Variants in CA12 observed in about 807,000 individuals in gnomAD.
CA12 encodes the protein carbonate dehydratase XII.
Under a neutral mutation model 46.8 loss-of-function variants are expected in CA12, and 36 were observed. The observed-to-expected ratio is 0.77, with a 90% confidence interval of 0.59 to 1.02. The LOEUF is 1.02. CA12 is among the 50% of genes least tolerant of loss of function. The probability of loss-of-function intolerance (pLI) is 0.00; values close to 1 mark genes in which losing one functional copy is unlikely to be tolerated. For synonymous variants in CA12, 202 were observed against 187.0 expected, an observed-to-expected ratio of 1.08 and a Z score of -0.65; for missense variants, 436 against 451.4, an observed-to-expected ratio of 0.97 and a Z score of 0.31.
At chr15:63,371,462 G>GGCCACA (rs939399177) in intron 2 of CA12, among the ~76,000 whole-genome samples, 1 of 152,132 alleles carries the variant, frequency 6.6e-6, no homozygotes, top group Non-Finnish European at 1.5e-5. Context: ...AAGCATGTGC[G>GGCCACA]GCCACAGCCA....
intron 2 of CA12, 93 bp from the exon 3 acceptor site, chr15:63,346,802 TCTC>T (rs2039156324): frequency 1.4e-6 from 2 of 1,399,418 alleles, no homozygotes; most frequent in African/African-American, 1.4e-5. Flanking sequence ...TTACTCCTTT[TCTC>T]CTCTTTTCTG....
intron 2 of CA12, among the ~76,000 whole-genome samples, chr15:63,353,683 C>G (rs1485457236): frequency 6.6e-6 from 1 of 152,034 alleles, no homozygotes; most frequent in Non-Finnish European, 1.5e-5. Context: ...CATCTGGAAA[C>G]CAGACATCCT....
At position 63,342,065 on chromosome 15, in the gene CA12, A is replaced by G. The variant is rs144876903; in HGVS notation, c.462T>C (p.Tyr154=). 2.6e-5 allele frequency: 42 copies of G among 1,614,046 alleles called. No homozygotes were observed. In the African/African-American group the frequency reaches 4.8e-4, roughly 18 times the overall value. ...LHIVHYNSDL[Y]PDASTASNKS... is the part of the protein sequence containing the mutation. ...TGTTGCTGGCAGTGCTGGCGTCAGG[A>G]TAAAGGTCTGAGTTATAATGGACAA... Residue 154 remains tyrosine, a synonymous_variant, in exon 5 of 11, where the codon TAT becomes TAC. Coordinates refer to ENST00000178638, the MANE Select transcript of CA12 (RefSeq NM_001218.5).
chr15:63,345,199 T>G lies in CA12; in HGVS notation c.429+278A>C, dbSNP rs1453748902. Among the ~76,000 whole-genome samples the G allele has an allele frequency of 9.2e-5, 14 of 152,240 alleles. No individual in the cohort carries two copies. Among genetic ancestry groups the G allele is most frequent in the Admixed American group, 9.2e-4 (14 of 15,282 alleles). On this transcript the variant is annotated intron_variant, in intron 4 of 10. Transcript: ENST00000178638. The surrounding 1 kb of genome is among the most constrained non-coding windows in gnomAD (Gnocchi z 4.3). Reference sequence around the variant, plus strand: ...TAAAAGAAGGGCATGTATGTCCCACTGGGCCACCCTGGGAATACTGCCTCC... The same window carrying G: ...TAAAAGAAGGGCATGTATGTCCCACGGGGCCACCCTGGGAATACTGCCTCC...
rs757863281 is a variant in CA12, at chr15:63,355,694, T to G, written c.107-8985A>C. Among the ~76,000 whole-genome samples, 10 of 152,214 alleles carry G rather than the reference T, an allele frequency of 6.6e-5. No homozygotes were observed. The highest frequency in any genetic ancestry group is 9.7e-5 in the African/African-American group (4 of 41,444). Reference sequence around the variant, plus strand: ...CAGCAAACCACTAAGTTAAACAAACTGCTGACATGCTAACAACCTAACCCC... The same window carrying G: ...CAGCAAACCACTAAGTTAAACAAACGGCTGACATGCTAACAACCTAACCCC... On this transcript the variant is annotated intron_variant, in intron 2 of 10. Transcript: ENST00000178638. This position sits in a 1 kb window ranked among gnomAD's most constrained non-coding sequence, Gnocchi z 4.1.
chr15:63,376,586 CTTTCTTTCTTTCTT>C (rs1161037540), intron 1 of CA12, among the ~76,000 whole-genome samples: 1 of 120,354 alleles, frequency 8.3e-6, no homozygotes, highest in African/African-American at 2.9e-5. Flanking sequence ...TTCTTTCTTT[CTTTCTTTCTTTCTT>C]TCTCTCTCTC....
intron 8 of CA12, among the ~76,000 whole-genome samples, chr15:63,332,343 C>T (rs542089096): frequency 6.6e-6 from 1 of 152,196 alleles, no homozygotes; most frequent in South Asian, 2.1e-4. Flanking sequence ...AGAAATCTGC[C>T]AACAAGATAG....
intron 2 of CA12, 133 bp downstream of exon 2, chr15:63,375,521 CTCTT>C: frequency 1.5e-6 from 1 of 655,042 alleles, no homozygotes; most frequent in Non-Finnish European, 2.7e-6. Context: ...CCTTTGTACT[CTCTT>C]TCTACAATAC....
Position 63,340,416 on chromosome 15 carries a change from T to C in CA12, c.619A>G (p.Ile207Val), listed in dbSNP as rs767486459. The C allele has an allele frequency of 1.4e-5, 23 of 1,614,148 alleles. No individual in the cohort carries two copies. Among genetic ancestry groups the C allele is most frequent in the Non-Finnish European group, 1.9e-5 (23 of 1,180,024 alleles). ...GQEAFVPGFN[I>V]EELLPERTAE... is the part of the protein sequence containing the mutation. ...GTCCTCTCCGGAAGCAGCTCTTCAATGTTGAATCCCGGGACGAATGCTTCC... is the reference window on the plus strand; with the variant it reads ...GTCCTCTCCGGAAGCAGCTCTTCAACGTTGAATCCCGGGACGAATGCTTCC... The change falls in exon 7 of 11, where the codon ATT (isoleucine) becomes GTT (valine). Residue 207 changes from isoleucine (I) to valine (V), a missense_variant. Coordinates refer to ENST00000178638, the MANE Select transcript of CA12 (RefSeq NM_001218.5). This position sits in a 1 kb window ranked among gnomAD's most constrained non-coding sequence, Gnocchi z 4.4.
chr15:63,327,044 T>G lies in CA12; in HGVS notation c.992+105A>C, dbSNP rs2038876227. 2.6e-5 allele frequency: 26 copies of G among 1,005,388 alleles called. No homozygotes were observed. The South Asian group carries it at 3.5e-4, about 14-fold the overall frequency. 62.3% of individuals were successfully genotyped at this position (1,005,388 alleles called of 1,614,324 possible). A position where few individuals can be genotyped will look rare whatever the true frequency, so the allele number is the denominator to read the frequency against. ...ACGGCCCTCCTAGGGTAAGTGGTGGTCCAGGTGACTGCGGCTCTTCATGCC... is the reference window on the plus strand; with the variant it reads ...ACGGCCCTCCTAGGGTAAGTGGTGGGCCAGGTGACTGCGGCTCTTCATGCC... On this transcript the variant is annotated intron_variant, in intron 10 of 10. Coordinates refer to ENST00000178638, the MANE Select transcript of CA12 (RefSeq NM_001218.5). This position sits in a 1 kb window ranked among gnomAD's most constrained non-coding sequence, Gnocchi z 4.5.
intron 3 of CA12, 87 bp downstream of exon 3, chr15:63,346,443 C>CA: frequency 1.3e-6 from 1 of 751,450 alleles, no homozygotes; most frequent in Non-Finnish European, 2.1e-6. Flanking sequence ...TTCCACGGAA[C>CA]ACCTCCCTGC....
intron 8 of CA12, among the ~76,000 whole-genome samples, chr15:63,338,610 G>A (rs540727036): frequency 1.1e-4 from 16 of 152,252 alleles, no homozygotes; most frequent in Non-Finnish European, 1.8e-4. Context: ...TGGGGGCCTC[G>A]GCTTTTTGCT....
At chr15:63,353,363 C>A (rs1229959593) in intron 2 of CA12, among the ~76,000 whole-genome samples, 1 of 152,076 alleles carries the variant, frequency 6.6e-6, no homozygotes, top group Non-Finnish European at 1.5e-5. Context: ...AGCTCAGAGG[C>A]CCCGCTGCAG....
At position 63,381,622 on chromosome 15, in the gene CA12, G is replaced by A. The variant is rs993689996; in HGVS notation, c.85+14C>T. The stretch of plus-strand genomic sequence containing the variant: ...GCTCAGGAGTGTTAGGAAAGAAGCA[G>A]GCGGAAACTTTACCGTTCACTGGGG... On this transcript the variant is annotated intron_variant, in intron 1 of 10. Coordinates refer to ENST00000178638, the MANE Select transcript of CA12 (RefSeq NM_001218.5). 2 of 1,606,996 alleles carry A rather than the reference G, an allele frequency of 1.2e-6. No homozygotes were observed. Among genetic ancestry groups the A allele is most frequent in the African/African-American group, 2.7e-5 (2 of 74,770 alleles).
At chr15:63,356,115 G>A (rs988437370) in intron 2 of CA12, among the ~76,000 whole-genome samples, 3 of 152,184 alleles carry the variant, frequency 2.0e-5, no homozygotes, top group East Asian at 1.9e-4. Flanking sequence ...ATTGTCGGCC[G>A]GGCACGGTGG....
rs559749035 is a variant in CA12, at chr15:63,370,633, C to T, written c.106+5025G>A. 3.3e-3 allele frequency among the ~76,000 whole-genome samples: 503 copies of T among 151,094 alleles called. 1 individual carries two copies. The highest frequency in any genetic ancestry group is 0.012 in the African/African-American group (476 of 41,152). On this transcript the variant is annotated intron_variant, in intron 2 of 10. Coordinates refer to ENST00000178638, the MANE Select transcript of CA12 (RefSeq NM_001218.5). ...ATTAAAAATACAAAGATTAGCCGGG[C>T]GTGGTGGTGGGTGCCTGTAATCCCA...
rs546843694 is a variant in CA12 at position 63,324,370 on chromosome 15, T to C, written c.*1915A>G. The C allele has an allele frequency of 2.0e-5, 3 of 152,362 alleles. No homozygotes were observed. The highest frequency in any genetic ancestry group is 3.9e-4 in the East Asian group (2 of 5,178). 9.4% of individuals were successfully genotyped at this position (152,362 alleles called of 1,614,324 possible). ...AGAGTCTTTTGACAGACAGTCCCAC[T>C]GCTCTGGAGTCCTTTATGTTCATTT... is the stretch of plus-strand genomic sequence containing the variant. On this transcript the variant is annotated 3_prime_UTR_variant, in exon 11 of 11. Coordinates refer to ENST00000178638, the MANE Select transcript of CA12 (RefSeq NM_001218.5).
intron 1 of CA12, 127 bp from the exon 2 acceptor site, chr15:63,375,805 C>A (rs1024255374): frequency 1.3e-5 from 8 of 622,292 alleles, no homozygotes; most frequent in Non-Finnish European, 2.2e-5. Context: ...GAAACTTTTT[C>A]TTTTTCTTTT....
intron 8 of CA12, among the ~76,000 whole-genome samples, chr15:63,334,825 A>G (rs2038979793): frequency 6.6e-6 from 1 of 152,180 alleles, no homozygotes; most frequent in Non-Finnish European, 1.5e-5. Flanking sequence ...CCAATCATAT[A>G]AAAAAGAATC....
Sources: allele counts gnomAD v4.1 joint callset (sites outside exome capture counted in the v4.1 genomes callset), GRCh38; gene constraint gnomAD v4.1.1; non-coding constraint Gnocchi (gnomAD v3.1); transcripts MANE v1.5; gene names NCBI Gene and HGNC (gene_info 2026-07-23, HGNC 2026-07-21).